HMCN2: variants seen among roughly 807,000 people sequenced by gnomAD.
HMCN2 encodes hemicentin-2.
A neutral mutation model predicts 377.5 loss-of-function variants in HMCN2; 325 were observed. That is an observed-to-expected ratio of 0.86 (90% CI 0.79 to 0.94). The LOEUF (loss-of-function observed/expected upper bound fraction) is 0.94, where lower values mean the gene tolerates loss of function less well. Ranked by LOEUF, HMCN2 falls within the 40% of genes least tolerant of loss-of-function variation. The pLI is 0.00. For missense variants in HMCN2, 4,543 were observed against 4,725.3 expected, an observed-to-expected ratio of 0.96 and a Z score of 1.13; for synonymous variants, 2,007 against 2,046.8, an observed-to-expected ratio of 0.98 and a Z score of 0.53.
chr9:130,392,795 G>A (rs1451618933), intron 66 of HMCN2, among the ~76,000 whole-genome samples: 2 of 152,188 alleles, frequency 1.3e-5, no homozygotes, highest in African/African-American at 4.8e-5. Flanking sequence ...AGGAGATCAA[G>A]ACCATCCTGG....
intron 52 of HMCN2, among the ~76,000 whole-genome samples, chr9:130,377,145 G>A (rs907789984): frequency 8.6e-5 from 13 of 151,018 alleles, no homozygotes; most frequent in Admixed American, 5.3e-4. Flanking sequence ...ACAGAGTCTC[G>A]CTCTGTCACC....
intron 27 of HMCN2, 144 bp downstream of exon 27, chr9:130,348,819 G>A: frequency 8.2e-7 from 1 of 1,225,702 alleles, no homozygotes; most frequent in African/African-American, 1.5e-5. Context: ...TCACGGCAGT[G>A]GAGGATAGTG....
intron 27 of HMCN2, 102 bp downstream of exon 27, chr9:130,348,777 T>C (rs1485506106): frequency 2.4e-6 from 3 of 1,259,654 alleles, no homozygotes; most frequent in Admixed American, 4.8e-5. Context: ...GGCAGGGAGA[T>C]GTGACAGGTG....
intron 11 of HMCN2, among the ~76,000 whole-genome samples, chr9:130,305,231 C>T (rs1836787117): frequency 6.6e-6 from 1 of 152,210 alleles, no homozygotes; most frequent in South Asian, 2.1e-4. Context: ...TAAATTTCTA[C>T]TGCTGTACGC....
At position 130,388,089 on chromosome 9, in the gene HMCN2, G is replaced by T. The variant is rs930532819; in HGVS notation, c.9392-320G>T. On this transcript the variant is annotated intron_variant, in intron 61 of 97. Coordinates refer to ENST00000683500, the MANE Select transcript of HMCN2 (RefSeq NM_001291815.2). Reference sequence around the variant, plus strand: ...TGACTCTGTTCCGCTGGTGGTGTCTGCCTGGGGTGTGTGACTTCATCCTGG... The same window carrying T: ...TGACTCTGTTCCGCTGGTGGTGTCTTCCTGGGGTGTGTGACTTCATCCTGG... Among the ~76,000 whole-genome samples, 9 of 152,274 alleles carry T rather than the reference G, an allele frequency of 5.9e-5. No homozygotes were observed. The East Asian group carries it at 9.7e-4, about 16-fold the overall frequency.
rs775398636 is a variant in HMCN2, at chr9:130,433,553, CT to C, written c.15101del (p.Leu5034ArgfsTer58). 68 of 1,470,694 alleles carry C rather than the reference CT, an allele frequency of 4.6e-5. No individual in the cohort carries two copies. The highest frequency in any genetic ancestry group is 5.7e-5 in the Non-Finnish European group (64 of 1,116,912). The allele number at this position is 1,470,694 out of a possible 1,614,324, so 91.1% of individuals were successfully genotyped here. On this transcript the variant is annotated frameshift_variant, in exon 98 of 98. Transcript: ENST00000683500. LOFTEE classifies it high-confidence loss of function. The stretch of plus-strand genomic sequence containing the variant: ...CCGCAGCCCCTTCGCGCTGCGTCCG[CT>C]GCGCGCGGGCCTTGGCGCGGTCTAC... ...DPRSPFALRP[L>X]RAGLGAVYTR... is the part of the protein sequence containing the mutation.
intron 17 of HMCN2, 32 bp downstream of exon 17, chr9:130,320,483 T>G (rs1456153502): frequency 6.6e-6 from 1 of 151,744 alleles, no homozygotes; most frequent in Non-Finnish European, 1.5e-5. Flanking sequence ...CCGTGGGAGG[T>G]GGGAGGTGGG....
At chr9:130,420,987 A>G (rs932380290) in intron 86 of HMCN2, among the ~76,000 whole-genome samples, 2 of 152,190 alleles carry the variant, frequency 1.3e-5, no homozygotes, top group African/African-American at 4.8e-5. Flanking sequence ...TCTGTGAAGA[A>G]GAAGGTAATT....
Position 130,430,388 on chromosome 9 carries a change from G to A in HMCN2, c.14431G>A (p.Asp4811Asn), listed in dbSNP as rs774740751. The change falls in exon 95 of 98, where the codon GAC (aspartate) becomes AAC (asparagine). Residue 4811 changes from aspartate to asparagine, a missense_variant. Transcript: ENST00000683500. ...CCCCCCAGGCCAGACCCTCCTTCGC[G>A]ACGGCAAGGCCTGCACCTCACTGGA... is the stretch of plus-strand genomic sequence containing the variant. ...LCPPGQTLLR[D>N]GKACTSLERN... 7.8e-5 allele frequency: 121 copies of A among 1,550,108 alleles called. 1 individual carries two copies. The highest frequency in any genetic ancestry group is 2.3e-4 in the South Asian group (19 of 84,064).
intron 23 of HMCN2, among the ~76,000 whole-genome samples, chr9:130,340,168 G>T (rs1306309044): frequency 6.6e-6 from 1 of 152,252 alleles, no homozygotes; most frequent in Non-Finnish European, 1.5e-5. Flanking sequence ...ATGAGAAAGT[G>T]ACTTGAAACC....
In HMCN2 at chr9:130,418,896, C is replaced by T. The variant is rs61743633; in HGVS notation, c.13086C>T (p.Pro4362=). The change falls in exon 86 of 98, where the codon CCC becomes CCT. Residue 4362 remains proline (P), a synonymous_variant. Transcript: ENST00000683500. Reference sequence around the variant, plus strand: ...TTGAATGGCTACAGGCGGGTCAACCCTTGCGGGCCAGCCGGCGGCTCCGGA... The same window carrying T: ...TTGAATGGCTACAGGCGGGTCAACCTTTGCGGGCCAGCCGGCGGCTCCGGA... ...PTIEWLQAGQ[P]LRASRRLRTL... 19 of 1,549,780 alleles carry T rather than the reference C, an allele frequency of 1.2e-5. No individual in the cohort carries two copies. Among genetic ancestry groups the T allele is most frequent in the Non-Finnish European group, 1.6e-5 (18 of 1,146,466 alleles).
chr9:130,429,955 G>A (rs74375735), intron 94 of HMCN2: 3 of 631,220 alleles, frequency 4.8e-6, no homozygotes, highest in Admixed American at 3.2e-5. Context: ...ATTTCAGGAG[G>A]GGGAGGACTG....
intron 87 of HMCN2, among the ~76,000 whole-genome samples, chr9:130,424,062 C>T (rs1261022069): frequency 6.6e-6 from 1 of 151,766 alleles, no homozygotes; most frequent in Non-Finnish European, 1.5e-5. Flanking sequence ...CTCACTGCAG[C>T]CTCAACCTCC....
In HMCN2 at chr9:130,398,699, C is replaced by T. The variant is rs531259190; in HGVS notation, c.11475C>T (p.Gly3825=). The stretch of plus-strand genomic sequence containing the variant: ...AGCTGGACTTCCGCCTGCAGCAGGG[C>T]GCCTACCGGTAACGAGCTGGACTTT... ...GQKLDFRLQQ[G]AYRLLPSNAL... The change falls in exon 75 of 98, where the codon GGC becomes GGT. Residue 3825 remains glycine, a synonymous_variant. Transcript: ENST00000683500. 37 of 1,289,272 alleles carry T rather than the reference C, an allele frequency of 2.9e-5. No homozygotes were observed. Among genetic ancestry groups the T allele is most frequent in the East Asian group, 5.6e-5 (1 of 18,012 alleles). The allele number at this position is 1,289,272 out of a possible 1,614,324, so 79.9% of individuals were successfully genotyped here. A position where few individuals can be genotyped will look rare whatever the true frequency, so the allele number is the denominator to read the frequency against.
At chr9:130,425,555 C>T in intron 89 of HMCN2, 132 bp from the exon 90 acceptor site, 1 of 691,994 alleles carries the variant, frequency 1.4e-6, no homozygotes, top group South Asian at 1.8e-5. Flanking sequence ...TCCTCAAGCC[C>T]CTGAGTTGGG....
intron 22 of HMCN2, among the ~76,000 whole-genome samples, chr9:130,331,243 T>C (rs1220912643): frequency 6.6e-6 from 1 of 152,008 alleles, no homozygotes. Flanking sequence ...GGCACGGCCA[T>C]GTTGCCAGCT....
chr9:130,368,316 G>A lies in HMCN2; in HGVS notation c.6666G>A (p.Val2222=), dbSNP rs1588324399. 1.0e-6 allele frequency: 1 copy of A among 985,764 alleles called. No homozygotes were observed. The highest frequency in any genetic ancestry group is 1.2e-6 in the Non-Finnish European group (1 of 829,922). The allele number at this position is 985,764 out of a possible 1,614,324, so 61.1% of individuals were successfully genotyped here. Residue 2222 remains valine (V), a synonymous_variant, in exon 44 of 98, where the codon GTG becomes GTA. Coordinates refer to ENST00000683500, the MANE Select transcript of HMCN2 (RefSeq NM_001291815.2). ...GGGAGGGGGCTGGCCTCCAGCACGT[G>A]TCGGCTGTGGGGAGGCTGTTGTACC... The part of the protein sequence containing the change: ...LPGEGAGLQH[V]SAVGRLLYLG...
At chr9:130,332,838 T>G (rs1216570184) in intron 22 of HMCN2, among the ~76,000 whole-genome samples, 1 of 152,210 alleles carries the variant, frequency 6.6e-6, no homozygotes, top group African/African-American at 2.4e-5. Context: ...GTTGCCTGAC[T>G]GTGCGCTCTG....
At chr9:130,348,084 C>T (rs1588281327) in intron 26 of HMCN2, 7 of 979,970 alleles carry the variant, frequency 7.1e-6, no homozygotes, top group Non-Finnish European at 8.5e-6. Flanking sequence ...GATGAACTGG[C>T]CCCGCTTGGG....
Sources: gnomAD v4.1 joint callset for allele counts (sites outside exome capture counted in the v4.1 genomes callset) on GRCh38, gnomAD v4.1.1 for gene constraint, MANE v1.5 for transcripts, NCBI Gene and HGNC (gene_info 2026-07-23, HGNC 2026-07-21) for gene names.